MASP1: variants seen among roughly 807,000 people sequenced by gnomAD.
MASP1 encodes the protein MBL associated serine protease 1.
A neutral mutation model predicts 77.1 loss-of-function variants in MASP1; 59 were observed. That is an observed-to-expected ratio of 0.77 (90% CI 0.62 to 0.95). The LOEUF (loss-of-function observed/expected upper bound fraction) is 0.95. Ranked by LOEUF, MASP1 falls within the 40% of genes least tolerant of loss-of-function variation. The pLI is 0.00. For missense variants in MASP1, 885 were observed against 912.9 expected (o/e 0.97, Z 0.39); for synonymous variants, 362 against 354.5 (o/e 1.02, Z -0.24).
exon 16 of MASP1, chr3:187,217,876 C>T (rs1480219729): frequency 1.3e-5 from 2 of 152,166 alleles, no homozygotes; most frequent in African/African-American, 4.8e-5. Context: ...TGTGCACAAA[C>T]CTTGAGGCCA....
At chr3:187,291,481 T>G in intron 1 of MASP1, 147 bp downstream of exon 1, 1 of 1,113,292 alleles carries the variant, frequency 9.0e-7, no homozygotes, top group Non-Finnish European at 1.4e-6. Flanking sequence ...AGCTCCCTTC[T>G]CAGAGCCCTA....
intron 2 of MASP1, among the ~76,000 whole-genome samples, chr3:187,264,123 C>T (rs1715827524): frequency 6.6e-6 from 1 of 152,180 alleles, no homozygotes; most frequent in Non-Finnish European, 1.5e-5. Flanking sequence ...AATATCTTGA[C>T]ATTTGACACT....
Position 187,253,152 on chromosome 3 carries a change from G to A in MASP1, c.892+16C>T, listed in dbSNP as rs1560255674. On this transcript the variant is annotated intron_variant, in intron 6 of 10. Transcript: ENST00000296280. The stretch of plus-strand genomic sequence containing the variant: ...AAGCACAGCAGCTCGGTGTGACCTG[G>A]GAGGGAAGAGGTTACCTGCAGCCCT... 6.2e-7 allele frequency: 1 copy of A among 1,613,400 alleles called. No individual in the cohort carries two copies. Among genetic ancestry groups the A allele is most frequent in the Non-Finnish European group, 8.5e-7 (1 of 1,179,918 alleles).
downstream of MASP1, among the ~76,000 whole-genome samples, chr3:187,231,602 G>A (rs1020625045): frequency 2.6e-5 from 4 of 152,244 alleles, no homozygotes; most frequent in African/African-American, 9.6e-5. Context: ...TACATACAGA[G>A]TAGGATACTA....
chr3:187,222,977 C>A, intron 14 of MASP1: 1 of 704,538 alleles, frequency 1.4e-6, no homozygotes, highest in Non-Finnish European at 2.6e-6. Context: ...TTCAAAGTCC[C>A]ATTGAACTTT....
At chr3:187,219,248 C>G (rs1164076016) in exon 16 of MASP1, 1 of 152,164 alleles carries the variant, frequency 6.6e-6, no homozygotes, top group Admixed American at 6.6e-5. Context: ...TATCTTAGAT[C>G]GTCAGAGCTT....
chr3:187,263,076 A>C (rs1406745346), intron 2 of MASP1: 6 of 308,862 alleles, frequency 1.9e-5, no homozygotes, highest in Non-Finnish European at 3.1e-5. Context: ...ACATTTCCAA[A>C]GAATGGAAAC....
Position 187,255,189 on chromosome 3 carries a change from T to C in MASP1, c.744+1475A>G, listed in dbSNP as rs531710333. On this transcript the variant is annotated intron_variant, in intron 5 of 10. Transcript: ENST00000296280. ...ATTCAACACAGTTTCCTCCTGCTGG[T>C]AGCAGCAGCAGAAGTCAGGGAGATT... Among the ~76,000 whole-genome samples, 190 of 152,296 alleles carry C rather than the reference T, an allele frequency of 1.2e-3. 2 individuals carry two copies. Among genetic ancestry groups the C allele is most frequent in the African/African-American group, 4.4e-3 (184 of 41,560 alleles).
intron 5 of MASP1, among the ~76,000 whole-genome samples, 155 bp from the exon 6 acceptor site, chr3:187,253,470 A>T (rs929665956): frequency 1.3e-5 from 2 of 152,204 alleles, no homozygotes; most frequent in Non-Finnish European, 2.9e-5. Context: ...GAGCCTTACC[A>T]TTCACCAAAT....
intron 6 of MASP1, among the ~76,000 whole-genome samples, chr3:187,252,169 AC>A (rs1297620472): frequency 6.6e-6 from 1 of 151,808 alleles, no homozygotes; most frequent in Non-Finnish European, 1.5e-5. Flanking sequence ...CTCAGCCACC[AC>A]CCCTGGGAGG....
At chr3:187,269,418 G>A (rs1716333213) in intron 2 of MASP1, among the ~76,000 whole-genome samples, 4 of 152,170 alleles carry the variant, frequency 2.6e-5, no homozygotes, top group Admixed American at 2.6e-4. Context: ...AGGCTCCTGA[G>A]CCTCAGGTTT....
exon 13 of MASP1, chr3:187,225,440 G>C (rs1322110191): frequency 6.2e-7 from 1 of 1,614,186 alleles, no homozygotes; most frequent in Non-Finnish European, 8.5e-7. Flanking sequence ...ATCATACTGG[G>C]GGTGGAGAGT....
intron 2 of MASP1, among the ~76,000 whole-genome samples, chr3:187,274,628 A>G (rs1051042171): frequency 3.9e-5 from 6 of 152,074 alleles, no homozygotes; most frequent in African/African-American, 1.4e-4. Flanking sequence ...TGGTGTTCTT[A>G]TTTGTTAATT....
chr3:187,250,435 A>G, intron 7 of MASP1, 106 bp from the exon 8 acceptor site: 1 of 854,674 alleles, frequency 1.2e-6, no homozygotes. Context: ...CTTGATCTCG[A>G]CTGAGATTTT....
At chr3:187,254,225 T>C (rs1714875623) in intron 5 of MASP1, among the ~76,000 whole-genome samples, 1 of 152,262 alleles carries the variant, frequency 6.6e-6, no homozygotes, top group Admixed American at 6.5e-5. Context: ...ATATGCTGTA[T>C]GTTTATAATT....
At chr3:187,269,363 T>C (rs1047262237) in intron 2 of MASP1, among the ~76,000 whole-genome samples, 1 of 152,222 alleles carries the variant, frequency 6.6e-6, no homozygotes, top group African/African-American at 2.4e-5. Flanking sequence ...AAGGGAGCTA[T>C]ATCCGCTTGG....
chr3:187,260,327 G>T (rs574409935), intron 4 of MASP1, among the ~76,000 whole-genome samples: 1 of 152,304 alleles, frequency 6.6e-6, no homozygotes, highest in African/African-American at 2.4e-5. Context: ...TTGGACTGAG[G>T]TCTCTCTATT....
chr3:187,279,247 G>C (rs1325881110), intron 2 of MASP1, among the ~76,000 whole-genome samples: 1 of 152,176 alleles, frequency 6.6e-6, no homozygotes, highest in Non-Finnish European at 1.5e-5. Flanking sequence ...TGTAAAATCA[G>C]CAATGGTGCC....
At chr3:187,275,254 C>T (rs1249218983) in intron 2 of MASP1, among the ~76,000 whole-genome samples, 5 of 152,316 alleles carry the variant, frequency 3.3e-5, no homozygotes, top group African/African-American at 9.6e-5. Context: ...TGGGTGAAGG[C>T]AGTGATGAGG....
Sources: allele counts gnomAD v4.1 joint callset (sites outside exome capture counted in the v4.1 genomes callset), GRCh38; gene constraint gnomAD v4.1.1; transcripts MANE v1.5; gene names NCBI Gene and HGNC (gene_info 2026-07-23, HGNC 2026-07-21).